Variants in PRKCB observed in about 807,000 individuals in gnomAD.
PRKCB encodes protein kinase C beta.
Under a neutral mutation model 81.5 loss-of-function variants are expected in PRKCB, and 13 were observed. That is an observed-to-expected ratio of 0.16 (90% CI 0.10 to 0.25). PRKCB has a LOEUF of 0.25. Among genes scored for constraint, PRKCB ranks in the 10% least tolerant of loss-of-function variants. The probability of loss-of-function intolerance (pLI) is 1.00; values close to 1 mark genes in which losing one functional copy is unlikely to be tolerated. For synonymous variants in PRKCB, 335 were observed against 321.4 expected (o/e 1.04, Z -0.45); for missense variants, 509 against 875.7 (o/e 0.58, Z 5.29).
chr16:23,984,515 G>T (rs185226386), intron 2 of PRKCB, among the ~76,000 whole-genome samples: 1 of 152,142 alleles, frequency 6.6e-6, no homozygotes, highest in East Asian at 1.9e-4. Flanking sequence ...AATAAAGTAG[G>T]CTAAAACCAG....
intron 3 of PRKCB, among the ~76,000 whole-genome samples, chr16:23,999,776 T>C (rs949751073): frequency 1.3e-5 from 2 of 151,626 alleles, no homozygotes; most frequent in African/African-American, 4.9e-5. Context: ...AACAGAGGAG[T>C]TGTCTCTGAG....
At chr16:24,115,166 C>T (rs947446056) in intron 8 of PRKCB, among the ~76,000 whole-genome samples, 2 of 152,144 alleles carry the variant, frequency 1.3e-5, no homozygotes, top group South Asian at 2.1e-4. Context: ...AGTCACAGTA[C>T]GTAGGGCTGT....
chr16:23,855,148 CG>C (rs1962542687), intron 2 of PRKCB, among the ~76,000 whole-genome samples: 2 of 145,164 alleles, frequency 1.4e-5, no homozygotes, highest in Admixed American at 6.9e-5. Context: ...AGAGAGCCGG[CG>C]GGGGAGGGGG....
At chr16:24,045,270 A>G (rs956362979) in intron 5 of PRKCB, among the ~76,000 whole-genome samples, 4 of 152,190 alleles carry the variant, frequency 2.6e-5, no homozygotes, top group African/African-American at 9.7e-5. Context: ...CAGCTTGAGC[A>G]GAGCTGGGCC....
intron 2 of PRKCB, among the ~76,000 whole-genome samples, chr16:23,839,420 C>G (rs777894498): frequency 6.6e-6 from 1 of 151,752 alleles, no homozygotes; most frequent in Non-Finnish European, 1.5e-5. Context: ...ACTACAAGTA[C>G]GCACCACCAT....
chr16:24,080,434 GATTCTT>G (rs1966235193), intron 5 of PRKCB, among the ~76,000 whole-genome samples: 1 of 152,178 alleles, frequency 6.6e-6, no homozygotes, highest in Non-Finnish European at 1.5e-5. Context: ...ATGATTTCTA[GATTCTT>G]ACTGGGGCAG....
At chr16:24,008,289 C>A (rs901591950) in intron 3 of PRKCB, among the ~76,000 whole-genome samples, 2 of 152,216 alleles carry the variant, frequency 1.3e-5, no homozygotes, top group African/African-American at 4.8e-5. Flanking sequence ...ACAAATGGTC[C>A]TGAAGCAGGC....
In PRKCB at chr16:24,051,564, C is replaced by T. The variant is rs188520512; in HGVS notation, c.529+16017C>T. Among the ~76,000 whole-genome samples, 251 of 152,200 alleles carry T rather than the reference C, an allele frequency of 1.6e-3. 1 individual carries two copies. Among genetic ancestry groups the T allele is most frequent in the African/African-American group, 5.9e-3 (244 of 41,518 alleles). On this transcript the variant is annotated intron_variant, in intron 5 of 16. Transcript: ENST00000643927. ...CTCCAGGGTCAGCAAGGCTCCGAGA[C>T]ACCAAAGCATCAGAAATACAGAAAA... is the stretch of plus-strand genomic sequence containing the variant.
chr16:23,842,519 GAGTGCTC>G (rs1473335799), intron 2 of PRKCB, among the ~76,000 whole-genome samples: 1 of 152,152 alleles, frequency 6.6e-6, no homozygotes, highest in African/African-American at 2.4e-5. Context: ...TAACACCAGT[GAGTGCTC>G]AGTTCAGTGT....
chr16:23,884,789 C>T (rs888353916), intron 2 of PRKCB, among the ~76,000 whole-genome samples: 1 of 152,186 alleles, frequency 6.6e-6, no homozygotes, highest in Admixed American at 6.5e-5. Context: ...AGTCCTCCCA[C>T]CTCAGCCTCC....
intron 3 of PRKCB, among the ~76,000 whole-genome samples, chr16:24,026,649 A>G (rs1199316895): frequency 6.6e-6 from 1 of 152,218 alleles, no homozygotes; most frequent in Non-Finnish European, 1.5e-5. Context: ...TAAGATCAAT[A>G]TATCAGAGAA....
At chr16:23,890,261 C>T (rs1963272275) in intron 2 of PRKCB, among the ~76,000 whole-genome samples, 1 of 152,216 alleles carries the variant, frequency 6.6e-6, no homozygotes, top group African/African-American at 2.4e-5. Context: ...ATAGACCTCA[C>T]TGCCTCTCTG....
At chr16:24,214,560 G>A (rs543489737) in intron 16 of PRKCB, 98 bp from the exon 17 acceptor site, 87 of 976,692 alleles carry the variant, frequency 8.9e-5, no homozygotes, top group Non-Finnish European at 1.3e-4. Context: ...AGGGAATGGA[G>A]AAAAGCACAC....
At chr16:23,875,154 A>C (rs973321455) in intron 2 of PRKCB, among the ~76,000 whole-genome samples, 1 of 151,114 alleles carries the variant, frequency 6.6e-6, no homozygotes, top group Non-Finnish European at 1.5e-5. Context: ...CTCCTGCCTC[A>C]GCCCCCACAA....
intron 2 of PRKCB, among the ~76,000 whole-genome samples, chr16:23,872,430 A>C (rs1223788848): frequency 2.6e-5 from 4 of 152,174 alleles, no homozygotes; most frequent in Admixed American, 2.0e-4. Context: ...CTGTGGTGGG[A>C]GGATCGCTTG....
intron 2 of PRKCB, among the ~76,000 whole-genome samples, chr16:23,934,165 C>T (rs376564069): frequency 3.3e-5 from 5 of 152,226 alleles, no homozygotes; most frequent in African/African-American, 1.2e-4. Flanking sequence ...GCTTTTCCTT[C>T]TTCAGTTAGG....
chr16:23,861,166 A>G (rs1007059359), intron 2 of PRKCB, among the ~76,000 whole-genome samples: 2 of 150,062 alleles, frequency 1.3e-5, no homozygotes, highest in Non-Finnish European at 3.0e-5. Flanking sequence ...GATAGGATGC[A>G]TTAGTTCTTT....
intron 5 of PRKCB, among the ~76,000 whole-genome samples, chr16:24,036,770 G>A (rs975507219): frequency 3.9e-5 from 6 of 152,104 alleles, no homozygotes; most frequent in Admixed American, 6.5e-5. Flanking sequence ...GGGAAATCCC[G>A]CAGTTTCAGG....
intron 5 of PRKCB, among the ~76,000 whole-genome samples, chr16:24,054,755 C>T (rs1596530057): frequency 6.6e-6 from 1 of 152,224 alleles, no homozygotes; most frequent in Non-Finnish European, 1.5e-5. Context: ...ATTCATAGTA[C>T]AAGACTTGCA....
Sources: allele counts gnomAD v4.1 joint callset (sites outside exome capture counted in the v4.1 genomes callset), GRCh38; gene constraint gnomAD v4.1.1; transcripts MANE v1.5; gene names NCBI Gene and HGNC (gene_info 2026-07-23, HGNC 2026-07-21).